CSMD1: variants seen among roughly 807,000 people sequenced by gnomAD.
CSMD1 encodes CUB and Sushi multiple domains 1, also known as CUB and sushi domain-containing protein 1.
CSMD1 carries 213 observed loss-of-function variants against 417.5 expected under a neutral mutation model. The observed-to-expected ratio is 0.51, with a 90% CI of 0.46 to 0.57. CSMD1 has a LOEUF of 0.57. Among genes scored for constraint, CSMD1 ranks in the 20% least tolerant of loss-of-function variants. CSMD1 has a pLI of 0.00. For missense variants in CSMD1, 6,923 were observed against 4,529.7 expected (o/e 1.53, Z -15.17); for synonymous variants, 2,862 against 1,736.8 (o/e 1.65, Z -16.11).
rs987477283 is a variant in CSMD1, at chr8:4,558,573, C to T, written c.302+78769G>A. 5.9e-5 allele frequency among the ~76,000 whole-genome samples: 9 copies of T among 152,094 alleles called. No homozygotes were observed. In the South Asian group the frequency reaches 1.9e-3, roughly 32 times the overall value. ...TGCTCAAACACTAGTCCCTAATAAA[C>T]AATAGAGACTTTGGCCAGACACATG... On this transcript the variant is annotated intron_variant, in intron 2 of 69. Transcript: ENST00000635120.
At chr8:3,623,234 C>T (rs1036176936) in intron 7 of CSMD1, among the ~76,000 whole-genome samples, 2 of 151,974 alleles carry the variant, frequency 1.3e-5, no homozygotes, top group Admixed American at 6.6e-5. Context: ...TTTATAATAC[C>T]TCATTAGATC....
intron 61 of CSMD1, 101 bp downstream of exon 61, chr8:2,962,365 G>T: frequency 1.9e-6 from 2 of 1,069,450 alleles, no homozygotes; most frequent in Non-Finnish European, 1.4e-6. Flanking sequence ...ACTGTCTATG[G>T]AAACACTTTC....
chr8:3,169,408 G>C (rs1181422815), intron 37 of CSMD1, among the ~76,000 whole-genome samples: 3 of 151,784 alleles, frequency 2.0e-5, no homozygotes, highest in African/African-American at 4.8e-5. Flanking sequence ...AGTGAAATAA[G>C]CCAGTATCAA....
chr8:4,071,405 A>ACTAC (rs1799550627), intron 3 of CSMD1, among the ~76,000 whole-genome samples: 6 of 152,036 alleles, frequency 3.9e-5, no homozygotes, highest in African/African-American at 1.2e-4. Context: ...ACTTTAAAAA[A>ACTAC]AATTGTAGTT....
intron 2 of CSMD1, among the ~76,000 whole-genome samples, chr8:4,530,314 C>CTTTTTTTTTGTTTTTTTTTTTTTTTTTTT (rs1796739775): frequency 2.1e-5 from 1 of 46,660 alleles, no homozygotes; most frequent in Non-Finnish European, 3.7e-5. Flanking sequence ...ACAGGTAGTG[C>CTTTTTTTTTGTTTTTTTTTTTTTTTTTTT]TTTTTTTTTT....
At chr8:3,007,399 G>A (rs1316800011) in intron 52 of CSMD1, among the ~76,000 whole-genome samples, 2 of 151,610 alleles carry the variant, frequency 1.3e-5, no homozygotes, top group Non-Finnish European at 2.9e-5. Context: ...AATACCATTT[G>A]ACCCAGCCAT....
At chr8:4,108,905 TA>T (rs1199559709) in intron 3 of CSMD1, among the ~76,000 whole-genome samples, 2 of 152,184 alleles carry the variant, frequency 1.3e-5, no homozygotes, top group Admixed American at 1.3e-4. Context: ...AGAAATCATT[TA>T]AAAAACTGTG....
intron 5 of CSMD1, among the ~76,000 whole-genome samples, chr8:3,783,342 G>A (rs992271417): frequency 1.3e-5 from 2 of 152,178 alleles, no homozygotes; most frequent in East Asian, 1.9e-4. Flanking sequence ...TTTCAAGTCC[G>A]TACAACTCTG....
At chr8:4,151,231 G>A (rs985855079) in intron 3 of CSMD1, among the ~76,000 whole-genome samples, 5 of 151,976 alleles carry the variant, frequency 3.3e-5, no homozygotes, top group East Asian at 3.9e-4. Flanking sequence ...GTATAAATAC[G>A]GTGAAGTTTA....
intron 18 of CSMD1, among the ~76,000 whole-genome samples, chr8:3,370,291 A>G (rs1037379045): frequency 2.0e-5 from 3 of 152,214 alleles, no homozygotes; most frequent in Non-Finnish European, 4.4e-5. Context: ...CTGAAAAAGA[A>G]TAAAAGGAAA....
intron 10 of CSMD1, among the ~76,000 whole-genome samples, chr8:3,548,900 T>C (rs555901899): frequency 1.1e-4 from 16 of 152,168 alleles, no homozygotes; most frequent in African/African-American, 3.9e-4. Context: ...CATCCTCCCC[T>C]TCTCACCTGG....
At chr8:3,306,275 C>A (rs74768612) in intron 25 of CSMD1, among the ~76,000 whole-genome samples, 55 of 152,180 alleles carry the variant, frequency 3.6e-4, no homozygotes. Context: ...TTTCATCCTT[C>A]CACATCTTCT....
intron 10 of CSMD1, among the ~76,000 whole-genome samples, chr8:3,494,266 G>C (rs187317064): frequency 1.3e-5 from 2 of 152,206 alleles, no homozygotes; most frequent in East Asian, 1.9e-4. Context: ...AGAATACTTT[G>C]TCATGATGAG....
At chr8:3,340,086 A>T (rs527889584) in intron 23 of CSMD1, among the ~76,000 whole-genome samples, 6 of 152,316 alleles carry the variant, frequency 3.9e-5, no homozygotes, top group African/African-American at 1.4e-4. Context: ...AATATCGGTC[A>T]ATATACTTGA....
At chr8:3,756,528 G>C (rs750637188) in intron 5 of CSMD1, among the ~76,000 whole-genome samples, 6 of 152,024 alleles carry the variant, frequency 3.9e-5, no homozygotes, top group South Asian at 2.1e-4. Context: ...TTCCACATCA[G>C]ATACGATCCT....
chr8:4,907,917 T>C (rs1282386007), intron 1 of CSMD1, among the ~76,000 whole-genome samples: 3 of 152,128 alleles, frequency 2.0e-5, no homozygotes, highest in Non-Finnish European at 4.4e-5. Context: ...GTGTTTCTTT[T>C]TGTGAGTTAA....
intron 1 of CSMD1, among the ~76,000 whole-genome samples, chr8:4,780,210 A>C (rs1012843417): frequency 1.3e-5 from 2 of 152,240 alleles, no homozygotes; most frequent in African/African-American, 4.8e-5. Flanking sequence ...ATGTGTAAAA[A>C]TGCAAACAAA....
intron 12 of CSMD1, among the ~76,000 whole-genome samples, chr8:3,437,176 T>C (rs1366177594): frequency 3.3e-5 from 5 of 152,180 alleles, no homozygotes; most frequent in Non-Finnish European, 5.9e-5. Flanking sequence ...TTTATCATAA[T>C]ACTGTTCAAG....
intron 1 of CSMD1, among the ~76,000 whole-genome samples, chr8:4,908,261 T>C (rs534385322): frequency 2.0e-5 from 3 of 152,334 alleles, no homozygotes; most frequent in African/African-American, 7.2e-5. Flanking sequence ...GGTAAAGTAT[T>C]CCTTCCTGAA....
Sources: allele counts gnomAD v4.1 joint callset (sites outside exome capture counted in the v4.1 genomes callset), GRCh38; gene constraint gnomAD v4.1.1; transcripts MANE v1.5; gene names NCBI Gene and HGNC (gene_info 2026-07-23, HGNC 2026-07-21).